FAM111A: variants seen among roughly 807,000 people sequenced by gnomAD.
The protein encoded by FAM111A is serine protease FAM111A.
In FAM111A, 8 loss-of-function variants were observed where a neutral mutation model predicts 3.3. That is an observed-to-expected ratio of 2.39 (90% CI 1.40 to 4.32). The LOEUF is 4.32. Ranked by LOEUF, FAM111A falls within the 30% of genes most tolerant of loss-of-function variation. FAM111A has a pLI of 0.00. For missense variants in FAM111A, 683 were observed against 727.6 expected (o/e 0.94, Z 0.71); for synonymous variants, 227 against 243.1 (o/e 0.93, Z 0.62).
Position 59,154,014 on chromosome 11 carries a change from A to T in FAM111A, c.*510A>T, listed in dbSNP as rs554672692. 2.6e-5 allele frequency: 4 copies of T among 152,424 alleles called. No homozygotes were observed. Among genetic ancestry groups the T allele is most frequent in the African/African-American group, 9.6e-5 (4 of 41,518 alleles). The allele number at this position is 152,424 out of a possible 1,614,324, so 9.4% of individuals were successfully genotyped here. A position where few individuals can be genotyped will look rare whatever the true frequency, so the allele number is the denominator to read the frequency against. On this transcript the variant is annotated 3_prime_UTR_variant, in exon 6 of 6. Transcript: ENST00000675163. ...AAGTTTGAGCCACTGCACCTGGCTA[A>T]CTTGCCCTATTTTAAAGTCAAGCAA... is the stretch of plus-strand genomic sequence containing the variant.
chr11:59,149,488 T>C (rs1022944526), intron 5 of FAM111A, among the ~76,000 whole-genome samples: 1 of 152,192 alleles, frequency 6.6e-6, no homozygotes, highest in African/African-American at 2.4e-5. Context: ...AATACAAATC[T>C]TGGCTATATC....
At chr11:59,146,157 T>C in intron 4 of FAM111A, among the ~76,000 whole-genome samples, 1 of 151,854 alleles carries the variant, frequency 6.6e-6, no homozygotes, top group East Asian at 1.9e-4. Flanking sequence ...TGATCTCGGA[T>C]CACTGCAACC....
At chr11:59,145,115 T>C (rs2135428744) in intron 3 of FAM111A, 1 of 152,528 alleles carries the variant, frequency 6.6e-6, no homozygotes, top group East Asian at 1.9e-4. Context: ...CGTGGTAGGA[T>C]TGGAAGAGGC....
chr11:59,146,303 C>T (rs1047600334), intron 4 of FAM111A, among the ~76,000 whole-genome samples: 2 of 152,132 alleles, frequency 1.3e-5, no homozygotes, highest in African/African-American at 2.4e-5. Context: ...AAGCTGGCCT[C>T]GAACTCCTGA....
rs528407808 is a variant in FAM111A, at chr11:59,152,304, T to C, written c.636T>C (p.Cys212=). 3.7e-5 allele frequency: 59 copies of C among 1,614,192 alleles called. No homozygotes were observed. The East Asian group carries it at 1.2e-3, about 32-fold the overall frequency. ...GKLHKKGRKL[C]VYAFKGETIK... Reference sequence around the variant, plus strand: ...TTCACAAAAAGGGGCGCAAACTCTGTGTTTATGCTTTCAAAGGAGAAACCA... The same window carrying C: ...TTCACAAAAAGGGGCGCAAACTCTGCGTTTATGCTTTCAAAGGAGAAACCA... The change falls in exon 6 of 6, where the codon TGT becomes TGC. Residue 212 remains cysteine (C), a synonymous_variant. Transcript: ENST00000675163.
At chr11:59,151,045 A>G (rs1861587067) in intron 5 of FAM111A, among the ~76,000 whole-genome samples, 1 of 152,150 alleles carries the variant, frequency 6.6e-6, no homozygotes, top group Admixed American at 6.5e-5. Flanking sequence ...CAGTATTTCA[A>G]GAACAATTTT....
chr11:59,153,869 ATTTT>A lies in FAM111A; in HGVS notation c.*379_*382del, dbSNP rs71036504. 16 of 142,528 alleles carry A rather than the reference ATTTT, an allele frequency of 1.1e-4. No individual in the cohort carries two copies. The East Asian group carries it at 1.6e-3, about 14-fold the overall frequency. 8.8% of individuals were successfully genotyped at this position (142,528 alleles called of 1,614,324 possible). A position where few individuals can be genotyped will look rare whatever the true frequency, so the allele number is the denominator to read the frequency against. On this transcript the variant is annotated 3_prime_UTR_variant, in exon 6 of 6. Coordinates refer to ENST00000675163, the MANE Select transcript of FAM111A (RefSeq NM_001312909.2). Reference sequence around the variant, plus strand: ...GGCAAACGCCACCACACCCAGCTAAATTTTTTTTTTTTTTTTTGTATTTTTAGTA... The same window carrying A: ...GGCAAACGCCACCACACCCAGCTAAATTTTTTTTTTTTTGTATTTTTAGTA...
Position 59,148,809 on chromosome 11 carries a change from T to C in FAM111A, c.-64T>C. On this transcript the variant is annotated 5_prime_UTR_variant, in exon 5 of 6. Transcript: ENST00000675163. The stretch of plus-strand genomic sequence containing the variant: ...CAATTAATGACAGCTTTGAAGATAC[T>C]GCTATAATTTGAAAATTTGAAATTA... 8 of 1,110,104 alleles carry C rather than the reference T, an allele frequency of 7.2e-6. No homozygotes were observed. In the South Asian group the frequency reaches 1.0e-4, roughly 14 times the overall value. The allele number at this position is 1,110,104 out of a possible 1,614,324, so 68.8% of individuals were successfully genotyped here.
Position 59,153,037 on chromosome 11 carries a change from T to C in FAM111A, c.1369T>C (p.Tyr457His), listed in dbSNP as rs1167819936. The change falls in exon 6 of 6, where the codon TAT (tyrosine) becomes CAT (histidine). Residue 457 changes from tyrosine to histidine, a missense_variant. Tyr to His is a moderately conservative substitution (Grantham distance 83). Coordinates refer to ENST00000675163, the MANE Select transcript of FAM111A (RefSeq NM_001312909.2). ...TGGACAACAAGTACCTATGGAACTA[T>C]ATAATGGAATTACTCCTGTGCCACT... ...ENGQQVPMEL[Y>H]NGITPVPLSG... 3 of 1,614,054 alleles carry C rather than the reference T, an allele frequency of 1.9e-6. No individual in the cohort carries two copies. Among genetic ancestry groups the C allele is most frequent in the Non-Finnish European group, 2.5e-6 (3 of 1,180,038 alleles).
Position 59,152,532 on chromosome 11 carries a change from C to T in FAM111A, c.864C>T (p.Asn288=), listed in dbSNP as rs779707501. The change falls in exon 6 of 6, where the codon AAC becomes AAT. Residue 288 remains asparagine (N), a synonymous_variant. Coordinates refer to ENST00000675163, the MANE Select transcript of FAM111A (RefSeq NM_001312909.2). ...ASQNPESEKR[N]TCVLREQIVA... ...AGAATCCTGAGTCAGAGAAAAGAAA[C>T]ACCTGTGTGTTGAGAGAACAAATCG... is the stretch of plus-strand genomic sequence containing the variant. The T allele has an allele frequency of 1.7e-5, 27 of 1,613,944 alleles. No individual in the cohort carries two copies. The highest frequency in any genetic ancestry group is 2.3e-5 in the Non-Finnish European group (27 of 1,180,020).
intron 3 of FAM111A, 157 bp downstream of exon 3, chr11:59,143,852 T>C (rs993129231): frequency 6.6e-6 from 1 of 152,226 alleles, no homozygotes; most frequent in Non-Finnish European, 1.5e-5. Context: ...CTTTATTGCT[T>C]AATCCAGTAT....
At chr11:59,144,927 C>T (rs1860629319) in intron 3 of FAM111A, 1 of 152,650 alleles carries the variant, frequency 6.6e-6, no homozygotes, top group Admixed American at 6.5e-5. Flanking sequence ...CTGGGGTGCT[C>T]CGCGGGGCGC....
intron 3 of FAM111A, chr11:59,144,397 A>G (rs1288380324): frequency 6.6e-6 from 1 of 152,238 alleles, no homozygotes; most frequent in African/African-American, 2.4e-5. Context: ...GTCCCTAGGC[A>G]TAAAGAAATC....
At chr11:59,147,331 C>T (rs1333542980) in intron 4 of FAM111A, among the ~76,000 whole-genome samples, 3 of 152,176 alleles carry the variant, frequency 2.0e-5, no homozygotes, top group Non-Finnish European at 4.4e-5. Context: ...CCAGTGAGCC[C>T]AAGCATTGAT....
At chr11:59,149,507 C>A (rs970299995) in intron 5 of FAM111A, among the ~76,000 whole-genome samples, 1 of 152,080 alleles carries the variant, frequency 6.6e-6, no homozygotes, top group Non-Finnish European at 1.5e-5. Flanking sequence ...TCAAAGCAGT[C>A]TTTAATGAAA....
chr11:59,149,127 T>G, intron 5 of FAM111A, 174 bp downstream of exon 5: 1 of 582,156 alleles, frequency 1.7e-6, no homozygotes, highest in Admixed American at 3.1e-5. Flanking sequence ...AAATCATCTC[T>G]GGATTATTTG....
intron 5 of FAM111A, among the ~76,000 whole-genome samples, chr11:59,149,491 G>A (rs1391573060): frequency 4.6e-5 from 7 of 152,046 alleles, no homozygotes; most frequent in Admixed American, 4.6e-4. Flanking sequence ...ACAAATCTTG[G>A]CTATATCAAA....
chr11:59,152,178 A>G lies in FAM111A; in HGVS notation c.510A>G (p.Ile170Met). ...SKSKQKEDNH[I>M]FGRQDKASTE... is the part of the protein sequence containing the mutation. ...GTAAGCAGAAGGAAGATAACCACAT[A>G]TTTGGCAGGCAGGACAAAGCATCGA... Residue 170 changes from isoleucine to methionine, a missense_variant, in exon 6 of 6, where the codon ATA becomes ATG. Around this residue, in one of 3 missense-constraint regions of FAM111A, gnomAD observed 557 missense variants for 600.2 expected, o/e 0.93. Coordinates refer to ENST00000675163, the MANE Select transcript of FAM111A (RefSeq NM_001312909.2). 1 of 1,614,172 alleles carries G rather than the reference A, an allele frequency of 6.2e-7. No individual in the cohort carries two copies. The highest frequency in any genetic ancestry group is 1.6e-4 in the Middle Eastern group (1 of 6,062).
chr11:59,152,546 G>A lies in FAM111A; in HGVS notation c.878G>A (p.Arg293Lys). ...GAGAAAAGAAACACCTGTGTGTTGA[G>A]AGAACAAATCGTGGCTCAGTACCCC... Reference protein sequence around the residue: ...ESEKRNTCVLREQIVAQYPSL... With the variant: ...ESEKRNTCVLKEQIVAQYPSL... Residue 293 changes from arginine to lysine, a missense_variant, in exon 6 of 6, where the codon AGA becomes AAA. Physicochemically the swap from Arg to Lys is conservative, Grantham distance 26. This residue lies in a region of FAM111A where 557 missense variants were observed against 600.2 expected (regional missense o/e 0.93). Transcript: ENST00000675163. 6.2e-7 allele frequency: 1 copy of A among 1,614,094 alleles called. No individual in the cohort carries two copies. Among genetic ancestry groups the A allele is most frequent in the Non-Finnish European group, 8.5e-7 (1 of 1,180,030 alleles).
Sources: gnomAD v4.1 joint callset for allele counts (sites outside exome capture counted in the v4.1 genomes callset) on GRCh38, gnomAD v4.1.1 for gene constraint, gnomAD v4.1.1 regional missense constraint, MANE v1.5 for transcripts, NCBI Gene and HGNC (gene_info 2026-07-23, HGNC 2026-07-21) for gene names.